Variants in ERBB4 observed in about 807,000 individuals in gnomAD.
ERBB4 encodes erb-b2 receptor tyrosine kinase 4, also known as receptor tyrosine-protein kinase erbB-4.
Under a neutral mutation model 158.0 loss-of-function variants are expected in ERBB4, and 42 were observed. That is an observed-to-expected ratio of 0.27 (90% CI 0.21 to 0.34). The LOEUF is 0.34. ERBB4 is among the 10% of genes least tolerant of loss of function. The probability of loss-of-function intolerance (pLI) is 1.00; values close to 1 mark genes in which losing one functional copy is unlikely to be tolerated. For missense variants in ERBB4, 1,333 were observed against 1,624.1 expected (o/e 0.82, Z 3.08); for synonymous variants, 583 against 558.7 (o/e 1.04, Z -0.61).
intron 1 of ERBB4, among the ~76,000 whole-genome samples, chr2:212,201,210 C>G (rs2082578240): frequency 6.6e-6 from 1 of 152,052 alleles, no homozygotes; most frequent in Non-Finnish European, 1.5e-5. Flanking sequence ...ATTTTCCATC[C>G]TTCTTATGAA....
intron 1 of ERBB4, among the ~76,000 whole-genome samples, chr2:212,237,090 T>C (rs1031446319): frequency 1.3e-5 from 2 of 152,172 alleles, no homozygotes; most frequent in Non-Finnish European, 1.5e-5. Flanking sequence ...TTTCCTGCTT[T>C]CTCCTGTCGG....
At chr2:212,077,204 C>T (rs546438872) in intron 2 of ERBB4, among the ~76,000 whole-genome samples, 1 of 152,042 alleles carries the variant, frequency 6.6e-6, no homozygotes, top group Admixed American at 6.6e-5. Context: ...AATAACACAA[C>T]TGTGGGGGGC....
At chr2:212,035,286 C>T (rs953196614) in intron 2 of ERBB4, among the ~76,000 whole-genome samples, 1 of 152,120 alleles carries the variant, frequency 6.6e-6, no homozygotes, top group African/African-American at 2.4e-5. Flanking sequence ...CCACTCAGCT[C>T]CCAGAACTTA....
At chr2:211,968,855 A>G (rs1331085535) in intron 2 of ERBB4, among the ~76,000 whole-genome samples, 2 of 151,862 alleles carry the variant, frequency 1.3e-5, no homozygotes, top group African/African-American at 2.4e-5. Flanking sequence ...TTTATTTTCT[A>G]CCCTCTCTTC....
intron 12 of ERBB4, among the ~76,000 whole-genome samples, chr2:211,695,329 CA>C (rs2072973078): frequency 6.6e-6 from 1 of 152,042 alleles, no homozygotes. Flanking sequence ...TTTCTACTGT[CA>C]AATTTCAGAA....
At chr2:212,445,106 C>A (rs1574931034) in intron 1 of ERBB4, among the ~76,000 whole-genome samples, 1 of 152,052 alleles carries the variant, frequency 6.6e-6, no homozygotes, top group Non-Finnish European at 1.5e-5. Context: ...TTACCATGTT[C>A]CCCAGCATCC....
chr2:211,886,552 C>A (rs562799228), intron 3 of ERBB4, among the ~76,000 whole-genome samples: 1 of 151,804 alleles, frequency 6.6e-6, no homozygotes, highest in African/African-American at 2.4e-5. Flanking sequence ...TATAAAGAGG[C>A]CAAAAGAAAT....
chr2:211,433,620 T>C (rs1184933832), intron 20 of ERBB4, among the ~76,000 whole-genome samples: 2 of 151,912 alleles, frequency 1.3e-5, no homozygotes, highest in Non-Finnish European at 2.9e-5. Context: ...TGAGAGATTA[T>C]TGTTGGATTC....
chr2:212,038,617 A>G (rs1195970429), intron 2 of ERBB4, among the ~76,000 whole-genome samples: 1 of 152,314 alleles, frequency 6.6e-6, no homozygotes, highest in East Asian at 1.9e-4. Context: ...TCCATAAGGA[A>G]AAGAAAAATG....
chr2:211,477,309 C>G (rs775395598), intron 20 of ERBB4, among the ~76,000 whole-genome samples: 24 of 145,044 alleles, frequency 1.7e-4, no homozygotes, highest in Non-Finnish European at 3.5e-4. Flanking sequence ...CTCTCTCTCT[C>G]TCTTTCTCTC....
chr2:212,426,083 T>C (rs781241353), intron 1 of ERBB4, among the ~76,000 whole-genome samples: 41 of 152,180 alleles, frequency 2.7e-4, no homozygotes, highest in Admixed American at 5.9e-4. Context: ...TTTTACAATG[T>C]CTGAACTTCT....
chr2:212,390,124 A>C (rs570867938), intron 1 of ERBB4, among the ~76,000 whole-genome samples: 1 of 151,982 alleles, frequency 6.6e-6, no homozygotes, highest in South Asian at 2.1e-4. Context: ...GCAAAATCTT[A>C]AATGACTTAT....
chr2:212,147,225 C>T (rs1318021277), intron 1 of ERBB4, among the ~76,000 whole-genome samples: 2 of 122,422 alleles, frequency 1.6e-5, no homozygotes, highest in Non-Finnish European at 3.2e-5. Flanking sequence ...AGGCTGGTCT[C>T]GAACTCCTGT....
intron 1 of ERBB4, among the ~76,000 whole-genome samples, chr2:212,454,936 T>A (rs1688202732): frequency 6.6e-6 from 1 of 152,170 alleles, no homozygotes; most frequent in African/African-American, 2.4e-5. Context: ...TCACTTCATT[T>A]TAGGGAAAAC....
intron 1 of ERBB4, among the ~76,000 whole-genome samples, chr2:212,441,656 T>A (rs562784901): frequency 5.3e-5 from 8 of 152,000 alleles, no homozygotes; most frequent in South Asian, 2.1e-4. Flanking sequence ...GCCCACTAAA[T>A]AGGGGCTCTG....
intron 2 of ERBB4, among the ~76,000 whole-genome samples, chr2:211,971,498 T>G (rs554345997): frequency 2.4e-4 from 36 of 152,252 alleles, no homozygotes; most frequent in African/African-American, 7.9e-4. Flanking sequence ...CTGGTACCAT[T>G]CCTACTGAAA....
rs573982730 is a variant in ERBB4, at chr2:211,797,870, T to C, written c.422-9711A>G. Among the ~76,000 whole-genome samples, 3 of 152,156 alleles carry C rather than the reference T, an allele frequency of 2.0e-5. No individual in the cohort carries two copies. The East Asian group carries it at 5.8e-4, about 29-fold the overall frequency. On this transcript the variant is annotated intron_variant, in intron 3 of 27. Coordinates refer to ENST00000342788, the MANE Select transcript of ERBB4 (RefSeq NM_005235.3). ...AAATCTGGAGAAAATCAGGAAGGAATAATTGAATAACAGTAATCATCATTT... is the reference window on the plus strand; with the variant it reads ...AAATCTGGAGAAAATCAGGAAGGAACAATTGAATAACAGTAATCATCATTT...
At position 211,611,611 on chromosome 2, in the gene ERBB4, CTTTCA is replaced by C. The variant is rs1345863531; in HGVS notation, c.2301+7561_2301+7565del. Among the ~76,000 whole-genome samples the C allele has an allele frequency of 4.6e-5, 7 of 152,238 alleles. No homozygotes were observed. The East Asian group carries it at 1.4e-3, about 29-fold the overall frequency. On this transcript the variant is annotated intron_variant, in intron 19 of 27. Coordinates refer to ENST00000342788, the MANE Select transcript of ERBB4 (RefSeq NM_005235.3). ...AAAGAAGAATTTCATCTCACGACTG[CTTTCA>C]TTTATTTATTTTTGCCAAAATCTGT...
At chr2:211,713,504 T>C (rs552545134) in intron 8 of ERBB4, 31 bp downstream of exon 8, 1 of 1,340,428 alleles carries the variant, frequency 7.5e-7, no homozygotes, top group Non-Finnish European at 1.1e-6. Context: ...ATAGGCCCAG[T>C]TCTAACTAAA....
Sources: gnomAD v4.1 joint callset for allele counts (sites outside exome capture counted in the v4.1 genomes callset) on GRCh38, gnomAD v4.1.1 for gene constraint, MANE v1.5 for transcripts, NCBI Gene and HGNC (gene_info 2026-07-23, HGNC 2026-07-21) for gene names.